The following HIBADH variants were observed in gnomAD, a reference collection of about 807,000 sequenced individuals.
The protein encoded by HIBADH is 3-hydroxyisobutyrate dehydrogenase, mitochondrial.
HIBADH carries 25 observed loss-of-function variants against 36.1 expected under a neutral mutation model. The ratio of observed to expected loss-of-function variants is 0.69; its 90% CI spans 0.50 to 0.97. The LOEUF is 0.97. Among genes scored for constraint, HIBADH ranks in the 50% least tolerant of loss-of-function variants. The pLI, the probability that HIBADH is intolerant of heterozygous loss-of-function variation, is 0.00. For synonymous variants in HIBADH, 160 were observed against 149.5 expected (o/e 1.07, Z -0.51); for missense variants, 421 against 418.0 (o/e 1.01, Z -0.06).
chr7:27,527,828 G>GC, intron 7 of HIBADH, among the ~76,000 whole-genome samples: 1 of 144,510 alleles, frequency 6.9e-6, no homozygotes, highest in Admixed American at 7.1e-5. Flanking sequence ...TTGGCTCACA[G>GC]CAACCTCTGC....
chr7:27,624,224 C>A (rs556684282), intron 4 of HIBADH, among the ~76,000 whole-genome samples: 1 of 152,170 alleles, frequency 6.6e-6, no homozygotes, highest in African/African-American at 2.4e-5. Context: ...TTTGTACGGA[C>A]CAGAAAAGAG....
chr7:27,617,688 G>A (rs535999344), intron 4 of HIBADH, among the ~76,000 whole-genome samples: 4 of 152,102 alleles, frequency 2.6e-5, no homozygotes, highest in Non-Finnish European at 4.4e-5. Context: ...ACAGGAAAAC[G>A]GTAAGTAAAA....
At chr7:27,526,575 G>C (rs1318856963) in intron 7 of HIBADH, among the ~76,000 whole-genome samples, 1 of 152,100 alleles carries the variant, frequency 6.6e-6, no homozygotes, top group Non-Finnish European at 1.5e-5. Context: ...CTTGATTTCT[G>C]AGTGTCTCTT....
chr7:27,640,573 G>A (rs1242311300), intron 2 of HIBADH, among the ~76,000 whole-genome samples: 3 of 152,226 alleles, frequency 2.0e-5, no homozygotes, highest in East Asian at 1.9e-4. Flanking sequence ...TCTGCTAATC[G>A]TATATATTCA....
At chr7:27,627,981 A>G (rs1176323336) in intron 4 of HIBADH, among the ~76,000 whole-genome samples, 2 of 152,176 alleles carry the variant, frequency 1.3e-5, no homozygotes, top group Admixed American at 6.5e-5. Context: ...TTCAGGTTGT[A>G]CTCTTGAGAC....
rs1202612823 is a variant in HIBADH, at chr7:27,526,868, AG to A, written c.853-497del. Among the ~76,000 whole-genome samples, 7 of 152,274 alleles carry A rather than the reference AG, an allele frequency of 4.6e-5. No homozygotes were observed. In the East Asian group the frequency reaches 1.4e-3, roughly 29 times the overall value. On this transcript the variant is annotated intron_variant, in intron 7 of 7. Transcript: ENST00000265395. ...CACCCAAACTCACATTGTGTTAAGG[AG>A]AAAGACAATTAAATAAGCATGGTAT...
chr7:27,611,685 G>C (rs1785324953), intron 4 of HIBADH, among the ~76,000 whole-genome samples: 1 of 152,154 alleles, frequency 6.6e-6, no homozygotes, highest in Admixed American at 6.5e-5. Flanking sequence ...CTTTACTTTG[G>C]AAACAACAAA....
chr7:27,545,352 T>C (rs2059344481), intron 4 of HIBADH, among the ~76,000 whole-genome samples: 1 of 152,166 alleles, frequency 6.6e-6, no homozygotes, highest in South Asian at 2.1e-4. Flanking sequence ...GATGGAGGAT[T>C]GCTTGAACCC....
chr7:27,632,347 A>G lies in HIBADH; in HGVS notation c.351T>C (p.Asn117=). The G allele has an allele frequency of 6.2e-7, 1 of 1,603,514 alleles. No homozygotes were observed. Among genetic ancestry groups the G allele is most frequent in the Non-Finnish European group, 8.5e-7 (1 of 1,170,678 alleles). The change falls in exon 3 of 8, where the codon AAT becomes AAC. Residue 117 remains asparagine, a synonymous_variant. Transcript: ENST00000265395. The stretch of plus-strand genomic sequence containing the variant: ...TGAGAAATACATACTTTAGAATCCC[A>G]TTTGCTCCGGAATAAGCTTCTATTG... ...INAIEAYSGA[N]GILKKVKKGS...
chr7:27,544,184 A>G (rs1001295096), intron 4 of HIBADH, among the ~76,000 whole-genome samples: 1 of 152,216 alleles, frequency 6.6e-6, no homozygotes, highest in Non-Finnish European at 1.5e-5. Flanking sequence ...AATGTGTTCA[A>G]TGAAATACAG....
At chr7:27,551,970 G>T (rs1288466389) in intron 4 of HIBADH, among the ~76,000 whole-genome samples, 4 of 152,160 alleles carry the variant, frequency 2.6e-5, no homozygotes, top group Non-Finnish European at 5.9e-5. Context: ...GACCATTTAC[G>T]ACTTGCTATG....
At chr7:27,613,054 A>G (rs993613795) in intron 4 of HIBADH, among the ~76,000 whole-genome samples, 2 of 107,242 alleles carry the variant, frequency 1.9e-5, no homozygotes, top group African/African-American at 6.4e-5. Flanking sequence ...AAATATATAT[A>G]ATATAATTTA....
intron 4 of HIBADH, among the ~76,000 whole-genome samples, chr7:27,590,856 G>T (rs1784928616): frequency 6.6e-6 from 1 of 152,162 alleles, no homozygotes; most frequent in Admixed American, 6.5e-5. Flanking sequence ...ACCAGGTACG[G>T]TTAAGTGAAA....
chr7:27,596,246 G>T (rs116456568), intron 4 of HIBADH, among the ~76,000 whole-genome samples: 280 of 152,170 alleles, frequency 1.8e-3, no homozygotes, highest in African/African-American at 6.5e-3. Flanking sequence ...GGCAGAAGGG[G>T]GCATAAAGGC....
At chr7:27,607,225 G>T (rs191654805) in intron 4 of HIBADH, among the ~76,000 whole-genome samples, 2 of 148,332 alleles carry the variant, frequency 1.3e-5, no homozygotes, top group Non-Finnish European at 3.0e-5. Flanking sequence ...AAAAGTCTGC[G>T]GCTGGGCGCC....
intron 4 of HIBADH, among the ~76,000 whole-genome samples, chr7:27,548,007 C>T (rs1040282149): frequency 2.0e-5 from 3 of 152,094 alleles, no homozygotes; most frequent in African/African-American, 7.2e-5. Context: ...AAACATTGAA[C>T]TCATTTGTAC....
intron 4 of HIBADH, among the ~76,000 whole-genome samples, chr7:27,573,233 C>T (rs1045796357): frequency 1.3e-5 from 2 of 152,182 alleles, no homozygotes; most frequent in Non-Finnish European, 2.9e-5. Context: ...ACTTTGAATA[C>T]TATCTCTTCT....
chr7:27,606,966 C>T (rs1785238441), intron 4 of HIBADH, among the ~76,000 whole-genome samples: 1 of 152,124 alleles, frequency 6.6e-6, no homozygotes, highest in South Asian at 2.1e-4. Flanking sequence ...CACCCCCACC[C>T]CCTAACCCTT....
chr7:27,599,957 T>C, intron 4 of HIBADH, among the ~76,000 whole-genome samples: 1 of 151,820 alleles, frequency 6.6e-6, no homozygotes. Context: ...GAAAAAAAAA[T>C]CAAAGTTTAA....
Sources: allele counts gnomAD v4.1 joint callset (sites outside exome capture counted in the v4.1 genomes callset), GRCh38; gene constraint gnomAD v4.1.1; transcripts MANE v1.5; gene names NCBI Gene and HGNC (gene_info 2026-07-23, HGNC 2026-07-21).